The following SIDT1 variants were observed in gnomAD, a reference collection of about 807,000 sequenced individuals.
SIDT1 encodes the protein SID1 transmembrane family member 1.
SIDT1 carries 101 observed loss-of-function variants against 107.5 expected under a neutral mutation model. The observed-to-expected ratio is 0.94, with a 90% CI of 0.80 to 1.11. The LOEUF (loss-of-function observed/expected upper bound fraction) is 1.11. SIDT1 is among the 50% of genes least tolerant of loss of function. The pLI, the probability that SIDT1 is intolerant of heterozygous loss-of-function variation, is 0.00. For synonymous variants in SIDT1, 395 were observed against 398.2 expected (o/e 0.99, Z 0.10); for missense variants, 1,076 against 1,058.2 (o/e 1.02, Z -0.23).
At chr3:113,538,954 T>C (rs1377827953) in intron 1 of SIDT1, among the ~76,000 whole-genome samples, 1 of 152,234 alleles carries the variant, frequency 6.6e-6, no homozygotes, top group Non-Finnish European at 1.5e-5. Context: ...TTGATCATCA[T>C]TGCCTAGTTC....
intron 11 of SIDT1, 77 bp from the exon 12 acceptor site, chr3:113,602,928 T>C (rs1945061324): frequency 6.6e-7 from 1 of 1,509,376 alleles, no homozygotes; most frequent in Admixed American, 1.9e-5. Context: ...GAGTCTGCAC[T>C]GTGCTTTTTG....
chr3:113,571,704 C>T lies in SIDT1; in HGVS notation c.515+3994C>T, dbSNP rs142968949. ...ATCCCAGCACTTTGGGAGACCAAGG[C>T]GGGCAGATCACCTGAGGTCAGGAGT... On this transcript the variant is annotated intron_variant, in intron 3 of 24. Transcript: ENST00000264852. Among the ~76,000 whole-genome samples the T allele has an allele frequency of 1.6e-3, 245 of 152,290 alleles. 1 individual carries two copies. Among genetic ancestry groups the T allele is most frequent in the African/African-American group, 5.3e-3 (220 of 41,568 alleles).
At chr3:113,631,515 G>GT (rs1168299403), downstream of SIDT1, among the ~76,000 whole-genome samples, 2 of 152,048 alleles carry the variant, frequency 1.3e-5, no homozygotes, top group East Asian at 1.9e-4. Flanking sequence ...TTTGTTTTTT[G>GT]TTTTTTTAAC....
intron 3 of SIDT1, 71 bp from the exon 4 acceptor site, chr3:113,576,851 T>C: frequency 1.3e-6 from 2 of 1,485,052 alleles, no homozygotes; most frequent in African/African-American, 1.4e-5. Context: ...TTTAAATAAA[T>C]AATTTTTGCT....
rs543226326 is a variant in SIDT1 at position 113,609,606 on chromosome 3, G to A, written c.1720+1070G>A. 2.6e-5 allele frequency among the ~76,000 whole-genome samples: 4 copies of A among 152,330 alleles called. No homozygotes were observed. In the South Asian group the frequency reaches 8.3e-4, roughly 32 times the overall value. On this transcript the variant is annotated intron_variant, in intron 17 of 24. Coordinates refer to ENST00000264852, the MANE Select transcript of SIDT1 (RefSeq NM_017699.3). ...AAGAAGGAAGAAAGGAAAAGCTGAT[G>A]CTGTCTAGCAAGTAACGATGTCCTC...
chr3:113,626,407 T>G (rs1412791867), intron 24 of SIDT1, among the ~76,000 whole-genome samples, 192 bp downstream of exon 24: 1 of 152,200 alleles, frequency 6.6e-6, no homozygotes, highest in Non-Finnish European at 1.5e-5. Context: ...CTTTAGTTTT[T>G]CTTTTACTCT....
At chr3:113,563,023 A>G (rs1941570518) in intron 1 of SIDT1, among the ~76,000 whole-genome samples, 1 of 152,198 alleles carries the variant, frequency 6.6e-6, no homozygotes, top group Non-Finnish European at 1.5e-5. Context: ...TGGGGTAGGA[A>G]AATGTTAGGG....
In SIDT1 at chr3:113,623,626, C is replaced by A. The variant is rs145525164; in HGVS notation, c.2200C>A (p.Arg734Ser). ...YLAFYIIMKL[R>S]SSEKVLPVPL... ...GCATCTGCTTCTCCTCCCACAGCTCCGCAGCTCTGAAAAGGTCCTCCCAGT... is the reference window on the plus strand; with the variant it reads ...GCATCTGCTTCTCCTCCCACAGCTCAGCAGCTCTGAAAAGGTCCTCCCAGT... Residue 734 changes from arginine (R) to serine (S), a missense_variant, in exon 23 of 25, where the codon CGC becomes AGC. Coordinates refer to ENST00000264852, the MANE Select transcript of SIDT1 (RefSeq NM_017699.3). 1.2e-6 allele frequency: 2 copies of A among 1,613,232 alleles called. No homozygotes were observed. The highest frequency in any genetic ancestry group is 1.7e-6 in the Non-Finnish European group (2 of 1,179,222).
chr3:113,579,339 T>A (rs1488058168), intron 4 of SIDT1, among the ~76,000 whole-genome samples: 1 of 152,220 alleles, frequency 6.6e-6, no homozygotes, highest in Non-Finnish European at 1.5e-5. Flanking sequence ...CTAGCATATA[T>A]GGGAACATAT....
At chr3:113,556,145 G>C (rs1487393834) in intron 1 of SIDT1, among the ~76,000 whole-genome samples, 1 of 152,110 alleles carries the variant, frequency 6.6e-6, no homozygotes, top group Non-Finnish European at 1.5e-5. Flanking sequence ...CTAGCTAGTA[G>C]GTGTTAGTGC....
chr3:113,557,143 C>G (rs76225446), intron 1 of SIDT1, among the ~76,000 whole-genome samples: 3,959 of 152,246 alleles, frequency 0.026, 161 homozygotes, highest in African/African-American at 0.09. Flanking sequence ...CAAGGTTCAG[C>G]ACATTTATGA....
At chr3:113,552,238 G>A (rs961109139) in intron 1 of SIDT1, among the ~76,000 whole-genome samples, 9 of 152,088 alleles carry the variant, frequency 5.9e-5, no homozygotes, top group East Asian at 1.9e-4. Context: ...CACCTTCACC[G>A]GGGAGGAAGA....
chr3:113,571,980 T>G (rs899540796), intron 3 of SIDT1, among the ~76,000 whole-genome samples: 5 of 152,126 alleles, frequency 3.3e-5, no homozygotes, highest in African/African-American at 1.2e-4. Context: ...TTGTGATAGT[T>G]GTGTGGAGAA....
In SIDT1 at chr3:113,533,219, C is replaced by G. The variant is rs764884148; in HGVS notation, c.198C>G (p.Phe66Leu). The change falls in exon 1 of 25, where the codon TTC (phenylalanine) becomes TTG (leucine). Residue 66 changes from phenylalanine (F) to leucine (L), a missense_variant. Transcript: ENST00000264852. ...TCAGCACCGAGAACATCTACTCTTT[C>G]AACTACACCAGCCAGCCCGACCAGG... ...VNLSTENIYS[F>L]NYTSQPDQVT... 6.6e-6 allele frequency: 10 copies of G among 1,505,476 alleles called. No individual in the cohort carries two copies. The highest frequency in any genetic ancestry group is 1.5e-5 in the African/African-American group (1 of 68,874). The allele number at this position is 1,505,476 out of a possible 1,614,324, so 93.3% of individuals were successfully genotyped here.
chr3:113,626,987 G>T (rs1402720527), intron 24 of SIDT1, among the ~76,000 whole-genome samples: 1 of 152,126 alleles, frequency 6.6e-6, no homozygotes, highest in Non-Finnish European at 1.5e-5. Context: ...GGGAAGCTTG[G>T]CCAATCTGTA....
rs148646920 is a variant in SIDT1, at chr3:113,567,710, G to T, written c.515G>T (p.Arg172Leu). ...ACCAAGCTGAAGCACTTCCAGCTCC[G>T]GTAAGCGGGACTTTCTCTGTTTACC... ...LVTKLKHFQL[R>L]TNVAFHFTAS... Residue 172 changes from arginine to leucine, a missense_variant and splice_region_variant, in exon 3 of 25, where the codon CGG (arginine) becomes CTG (leucine). Physicochemically the swap from Arg to Leu is moderately radical, Grantham distance 102 (BLOSUM62 -2). Coordinates refer to ENST00000264852, the MANE Select transcript of SIDT1 (RefSeq NM_017699.3). 1 of 1,613,058 alleles carries T rather than the reference G, an allele frequency of 6.2e-7. No homozygotes were observed. Among genetic ancestry groups the T allele is most frequent in the African/African-American group, 1.3e-5 (1 of 74,874 alleles).
At chr3:113,550,690 T>C (rs1940125519) in intron 1 of SIDT1, among the ~76,000 whole-genome samples, 2 of 152,240 alleles carry the variant, frequency 1.3e-5, no homozygotes, top group South Asian at 4.1e-4. Context: ...AGCTATATTT[T>C]AAGAATTCAA....
At chr3:113,557,086 G>A (rs538394814) in intron 1 of SIDT1, among the ~76,000 whole-genome samples, 1 of 152,150 alleles carries the variant, frequency 6.6e-6, no homozygotes, top group African/African-American at 2.4e-5. Context: ...GGAATTACAG[G>A]CGTGAGCCAA....
intron 18 of SIDT1, 127 bp from the exon 19 acceptor site, chr3:113,611,959 G>C (rs1454665585): frequency 1.4e-5 from 9 of 653,444 alleles, no homozygotes. Flanking sequence ...GGAGTTTCCA[G>C]AGGGGGAGAA....
Sources: allele counts gnomAD v4.1 joint callset (sites outside exome capture counted in the v4.1 genomes callset), GRCh38; gene constraint gnomAD v4.1.1; transcripts MANE v1.5; gene names NCBI Gene and HGNC (gene_info 2026-07-23, HGNC 2026-07-21).